The following UBR3 variants were observed in gnomAD, a reference collection of about 807,000 sequenced individuals.
UBR3 encodes the protein E3 ubiquitin-protein ligase UBR3.
In UBR3, 85 loss-of-function variants were observed where a neutral mutation model predicts 243.2. The observed-to-expected ratio is 0.35, with a 90% confidence interval of 0.29 to 0.42. The LOEUF is 0.42. Ranked by LOEUF, UBR3 falls within the 10% of genes least tolerant of loss-of-function variation. The pLI is 1.00. For missense variants in UBR3, 1,686 were observed against 2,300.8 expected (o/e 0.73, Z 5.47); for synonymous variants, 748 against 799.8 (o/e 0.94, Z 1.09).
chr2:170,013,244 C>G (rs779930428), intron 29 of UBR3, among the ~76,000 whole-genome samples: 4 of 151,948 alleles, frequency 2.6e-5, no homozygotes, highest in South Asian at 2.1e-4. Context: ...TAGCATGTCT[C>G]AAAGGACCAA....
chr2:169,882,061 C>T (rs2083887069), intron 5 of UBR3, among the ~76,000 whole-genome samples: 1 of 121,554 alleles, frequency 8.2e-6, no homozygotes, highest in Admixed American at 9.7e-5. Flanking sequence ...TATATATACA[C>T]ATATAATATA....
chr2:169,984,864 T>G (rs1357698670), intron 24 of UBR3, among the ~76,000 whole-genome samples: 1 of 152,166 alleles, frequency 6.6e-6, no homozygotes, highest in East Asian at 1.9e-4. Context: ...TCACCTATTT[T>G]ATTTTCATGC....
intron 27 of UBR3, among the ~76,000 whole-genome samples, chr2:170,004,624 T>G (rs11691281): frequency 0.28 from 42,312 of 151,888 alleles, 6,987 homozygotes; most frequent in Non-Finnish European, 0.38. Context: ...AAAAACCACT[T>G]TGGGGGCCAG....
rs141701970 is a variant in UBR3 at position 170,013,168 on chromosome 2, A to G, written c.4368-2113A>G. 9.7e-3 allele frequency among the ~76,000 whole-genome samples: 1,482 copies of G among 152,308 alleles called. 8 individuals carry two copies. The highest frequency in any genetic ancestry group is 0.015 in the Non-Finnish European group (1,050 of 68,026). On this transcript the variant is annotated intron_variant, in intron 29 of 38. Transcript: ENST00000272793. The stretch of plus-strand genomic sequence containing the variant: ...TGCATCATTCATTGAGGAGGAAAGA[A>G]ACATAATATTGCTGTGTGATTTTCA...
intron 1 of UBR3, among the ~76,000 whole-genome samples, chr2:169,858,704 A>C (rs1236627772): frequency 6.6e-6 from 1 of 152,000 alleles, no homozygotes; most frequent in Non-Finnish European, 1.5e-5. Context: ...GCTTCAAGCG[A>C]TTCTCCCGCC....
At chr2:169,866,306 A>C (rs1482975520) in intron 1 of UBR3, among the ~76,000 whole-genome samples, 11 of 150,332 alleles carry the variant, frequency 7.3e-5, no homozygotes, top group Non-Finnish European at 1.5e-5. Context: ...CAGCTTTTAA[A>C]AAGTGTACTT....
At chr2:169,907,082 G>C (rs1259989390) in intron 10 of UBR3, among the ~76,000 whole-genome samples, 1 of 144,566 alleles carries the variant, frequency 6.9e-6, no homozygotes, top group African/African-American at 2.6e-5. Flanking sequence ...CTGTTGCCAG[G>C]CTGGAGTGCA....
intron 32 of UBR3, among the ~76,000 whole-genome samples, chr2:170,052,590 G>A (rs1224792322): frequency 1.3e-5 from 2 of 152,194 alleles, no homozygotes; most frequent in African/African-American, 2.4e-5. Flanking sequence ...AATGAAATAA[G>A]CCACAAAAAG....
At chr2:170,019,333 C>A (rs1047586754) in intron 30 of UBR3, among the ~76,000 whole-genome samples, 7 of 152,188 alleles carry the variant, frequency 4.6e-5, no homozygotes, top group Non-Finnish European at 1.0e-4. Context: ...TAGATCTGTG[C>A]AGGCAACTTA....
chr2:169,949,445 A>T, intron 22 of UBR3, 160 bp from the exon 23 acceptor site: 1 of 628,894 alleles, frequency 1.6e-6, no homozygotes, highest in Non-Finnish European at 2.6e-6. Context: ...TATATTTGAG[A>T]GAGAGGTCAA....
In UBR3 at chr2:169,958,377, A is replaced by T. The variant is rs980526427; in HGVS notation, c.3546-61A>T. Reference sequence around the variant, plus strand: ...CTTTTCATACATTATATACTCCTGAAATATAGTAGCTAGGTCTTAAGCGCA... The same window carrying T: ...CTTTTCATACATTATATACTCCTGATATATAGTAGCTAGGTCTTAAGCGCA... On this transcript the variant is annotated intron_variant, in intron 23 of 38. Coordinates refer to ENST00000272793, the MANE Select transcript of UBR3 (RefSeq NM_172070.4). 10 of 1,466,896 alleles carry T rather than the reference A, an allele frequency of 6.8e-6. No individual in the cohort carries two copies. The Admixed American group carries it at 1.3e-4, about 19-fold the overall frequency. The allele number at this position is 1,466,896 out of a possible 1,614,324, so 90.9% of individuals were successfully genotyped here. A position where few individuals can be genotyped will look rare whatever the true frequency, so the allele number is the denominator to read the frequency against.
At chr2:169,844,461 T>A (rs545256863) in intron 1 of UBR3, among the ~76,000 whole-genome samples, 3 of 151,312 alleles carry the variant, frequency 2.0e-5, no homozygotes, top group African/African-American at 7.3e-5. Context: ...ATTTTCTCAA[T>A]GTCTGTAAAG....
intron 31 of UBR3, among the ~76,000 whole-genome samples, chr2:170,040,346 T>A (rs2090936773): frequency 6.6e-6 from 1 of 151,820 alleles, no homozygotes; most frequent in African/African-American, 2.4e-5. Flanking sequence ...GCTCAAGTGA[T>A]CCGCCTGCCT....
At chr2:169,845,867 A>C (rs1574031826) in intron 1 of UBR3, among the ~76,000 whole-genome samples, 1 of 152,166 alleles carries the variant, frequency 6.6e-6, no homozygotes, top group East Asian at 1.9e-4. Context: ...TACAGGTGTG[A>C]GCTACGGTGC....
chr2:169,981,024 G>C (rs1303846762), intron 24 of UBR3, among the ~76,000 whole-genome samples: 2 of 151,936 alleles, frequency 1.3e-5, no homozygotes, highest in African/African-American at 4.8e-5. Flanking sequence ...AGTGGCCAAA[G>C]CTGGAACAAT....
chr2:169,925,377 C>T (rs1027881502), intron 13 of UBR3, among the ~76,000 whole-genome samples: 1 of 151,870 alleles, frequency 6.6e-6, no homozygotes, highest in Non-Finnish European at 1.5e-5. Context: ...ATAAATGTAT[C>T]CAGAGGCCAA....
In UBR3 at chr2:169,875,941, T is replaced by G; in HGVS notation, c.836T>G (p.Leu279Arg). The G allele has an allele frequency of 6.6e-7, 1 of 1,514,590 alleles. No homozygotes were observed. Among genetic ancestry groups the G allele is most frequent in the South Asian group, 1.3e-5 (1 of 76,658 alleles). The allele number at this position is 1,514,590 out of a possible 1,614,324, so 93.8% of individuals were successfully genotyped here. A position where few individuals can be genotyped will look rare whatever the true frequency, so the allele number is the denominator to read the frequency against. Residue 279 changes from leucine to arginine, a missense_variant, in exon 3 of 39, where the codon CTG becomes CGG. Physicochemically the swap from Leu to Arg is moderately radical, Grantham distance 102 (BLOSUM62 -2). Transcript: ENST00000272793. ...VLTNQQNYKD[L>R]TSGLGENACV... The stretch of plus-strand genomic sequence containing the variant: ...ACAAACCAACAAAACTACAAAGATC[T>G]GACTTCTGGTGAGTAAAATGTTAGA...
At chr2:169,999,623 C>T (rs1051099011) in intron 26 of UBR3, among the ~76,000 whole-genome samples, 1 of 152,134 alleles carries the variant, frequency 6.6e-6, no homozygotes, top group African/African-American at 2.4e-5. Flanking sequence ...CTCTGGCCCA[C>T]CCATCTATTT....
chr2:170,066,517 C>CG (rs1434632863), intron 35 of UBR3, among the ~76,000 whole-genome samples: 1 of 151,784 alleles, frequency 6.6e-6, no homozygotes, highest in Non-Finnish European at 1.5e-5. Context: ...ATCTAGCCCC[C>CG]CCACCTCCAT....
Sources: allele counts gnomAD v4.1 joint callset (sites outside exome capture counted in the v4.1 genomes callset), GRCh38; gene constraint gnomAD v4.1.1; transcripts MANE v1.5; gene names NCBI Gene and HGNC (gene_info 2026-07-23, HGNC 2026-07-21).